The following IWS1 variants were observed in gnomAD, a reference collection of about 807,000 sequenced individuals.
The protein encoded by IWS1 is interacts with SUPT6H, CTD assembly factor 1, also known as protein IWS1 homolog.
In IWS1, 27 loss-of-function variants were observed where a neutral mutation model predicts 86.7. The ratio of observed to expected loss-of-function variants is 0.31; its 90% CI spans 0.23 to 0.43. IWS1 has a LOEUF of 0.43. Ranked by LOEUF, IWS1 falls within the 20% of genes least tolerant of loss-of-function variation. The pLI is 1.00. For synonymous variants in IWS1, 313 were observed against 335.1 expected (o/e 0.93, Z 0.72); for missense variants, 827 against 1,000.8 (o/e 0.83, Z 2.34).
intron 3 of IWS1, among the ~76,000 whole-genome samples, chr2:127,504,401 TC>T (rs1690994308): frequency 6.6e-6 from 1 of 151,254 alleles, no homozygotes; most frequent in Non-Finnish European, 1.5e-5. Flanking sequence ...CATTACCTCT[TC>T]CAGTTTTAAA....
chr2:127,500,484 A>G (rs1573530317), intron 5 of IWS1, among the ~76,000 whole-genome samples: 1 of 152,140 alleles, frequency 6.6e-6, no homozygotes, highest in East Asian at 1.9e-4. Context: ...CTTTATCTTA[A>G]GTACTTTTTT....
At chr2:127,506,747 G>A (rs1691171064) in intron 2 of IWS1, 1 of 168,652 alleles carries the variant, frequency 5.9e-6, no homozygotes, top group Non-Finnish European at 1.5e-5. Flanking sequence ...TAAGTTTTAG[G>A]GAGAACATGA....
chr2:127,505,064 T>G lies in IWS1; in HGVS notation c.839A>C (p.Asp280Ala). The change falls in exon 3 of 14, where the codon GAT becomes GCT. Residue 280 changes from aspartate to alanine, a missense_variant. This residue lies in a region of IWS1 where 548 missense variants were observed against 560.2 expected (regional missense o/e 0.98). Transcript: ENST00000295321. This position sits in a 1 kb window ranked among gnomAD's most constrained non-coding sequence, Gnocchi z 5.0. Reference sequence around the variant, plus strand: ...ATCACTGGCCTGGTTCCTTGGGGGATCCTCACTTTCCGAATCACTGATTCG... The same window carrying G: ...ATCACTGGCCTGGTTCCTTGGGGGAGCCTCACTTTCCGAATCACTGATTCG... ...KPRISDSESE[D>A]PPRNQASDSE... The G allele has an allele frequency of 1.2e-6, 2 of 1,612,044 alleles. No individual in the cohort carries two copies. The highest frequency in any genetic ancestry group is 1.7e-6 in the Non-Finnish European group (2 of 1,179,468).
intron 6 of IWS1, 95 bp downstream of exon 6, chr2:127,498,044 TA>T: frequency 1.0e-6 from 1 of 953,564 alleles, no homozygotes; most frequent in East Asian, 2.4e-5. Context: ...CTCCTAAACT[TA>T]ATCAGGAACC....
chr2:127,523,055 C>A (rs1204072442), intron 2 of IWS1, among the ~76,000 whole-genome samples: 1 of 152,014 alleles, frequency 6.6e-6, no homozygotes, highest in East Asian at 1.9e-4. Flanking sequence ...ACCAAGAAAA[C>A]AAAAATAGCT....
chr2:127,520,015 A>C (rs777548), intron 2 of IWS1, among the ~76,000 whole-genome samples: 146,677 of 152,254 alleles, frequency 0.96, 70,700 homozygotes, highest in East Asian at 1. Flanking sequence ...TGATTTTAGT[A>C]CAGTGTGACC....
At chr2:127,526,765 C>T, upstream of IWS1, 1 of 1,071,262 alleles carries the variant, frequency 9.3e-7, no homozygotes, top group Non-Finnish European at 1.3e-6. Context: ...AAATGAAGAC[C>T]TGCTCAAATG....
At chr2:127,492,152 T>G in intron 9 of IWS1, 64 bp from the exon 10 acceptor site, 1 of 996,132 alleles carries the variant, frequency 1.0e-6, no homozygotes, top group Non-Finnish European at 1.6e-6. Context: ...TGCTAGTCTA[T>G]TCTAGAGACC....
rs901034967 is a variant in IWS1 at position 127,489,055 on chromosome 2, G to A, written c.2216+124C>T. ...ATACAATGCTTTGTAGATACTAAAC[G>A]TTAAAATGAAAGTCACCTCCCACAA... On this transcript the variant is annotated intron_variant, in intron 12 of 13. Transcript: ENST00000295321. This position sits in a 1 kb window ranked among gnomAD's most constrained non-coding sequence, Gnocchi z 4.8. 1.1e-5 allele frequency: 7 copies of A among 661,536 alleles called. No homozygotes were observed. The highest frequency in any genetic ancestry group is 1.9e-5 in the Non-Finnish European group (7 of 376,008). The allele number at this position is 661,536 out of a possible 1,614,324, so 41.0% of individuals were successfully genotyped here.
rs1573583006 is a variant in IWS1 at position 127,526,446 on chromosome 2, G to T, written c.-238C>A. On this transcript the variant is annotated 5_prime_UTR_variant, in exon 1 of 14. Transcript: ENST00000295321. ...GGCGGGCGGGCAGGCATGCGAGCCG[G>T]CGTTCTACTTCCTAGAAGCACCGCT... 1 of 1,534,770 alleles carries T rather than the reference G, an allele frequency of 6.5e-7. No homozygotes were observed. The highest frequency in any genetic ancestry group is 8.8e-7 in the Non-Finnish European group (1 of 1,142,528).
rs1553434819 is a variant in IWS1 at position 127,499,749 on chromosome 2, GT to G, written c.1468-1513del. Among the ~76,000 whole-genome samples, 19 of 147,146 alleles carry G rather than the reference GT, an allele frequency of 1.3e-4. No homozygotes were observed. Among genetic ancestry groups the G allele is most frequent in the East Asian group, 7.9e-4 (4 of 5,072 alleles). On this transcript the variant is annotated intron_variant, in intron 5 of 13. Transcript: ENST00000295321. This position sits in a 1 kb window ranked among gnomAD's most constrained non-coding sequence, Gnocchi z 4.0. ...ATTGCATTGGTTAAAAATAAGTATT[GT>G]TTTTTTTTTGACCCAAGAACTATTT...
rs559829902 is a variant in IWS1, at chr2:127,495,573, G to T, written c.1716+425C>A. Among the ~76,000 whole-genome samples the T allele has an allele frequency of 9.2e-5, 14 of 152,258 alleles. 1 individual carries two copies. The East Asian group carries it at 2.7e-3, about 29-fold the overall frequency. On this transcript the variant is annotated intron_variant, in intron 7 of 13. Transcript: ENST00000295321. Reference sequence around the variant, plus strand: ...AAGTGTCTCCAAAAGATCTGAACTTGTTTTTTAAACATACTACTGGGCCAA... The same window carrying T: ...AAGTGTCTCCAAAAGATCTGAACTTTTTTTTTAAACATACTACTGGGCCAA...
At chr2:127,524,790 C>G (rs953330043) in intron 1 of IWS1, among the ~76,000 whole-genome samples, 7 of 151,984 alleles carry the variant, frequency 4.6e-5, no homozygotes, top group Admixed American at 2.0e-4. Flanking sequence ...TGTTTGCCAC[C>G]GTGCTCGGTC....
At chr2:127,488,343 T>C (rs965688835) in intron 12 of IWS1, among the ~76,000 whole-genome samples, 2 of 152,230 alleles carry the variant, frequency 1.3e-5, no homozygotes, top group Non-Finnish European at 2.9e-5. Flanking sequence ...ATTAGGCATG[T>C]CACATTTAAT....
At chr2:127,495,667 C>T (rs907019447) in intron 7 of IWS1, among the ~76,000 whole-genome samples, 6 of 152,088 alleles carry the variant, frequency 3.9e-5, no homozygotes, top group Non-Finnish European at 8.8e-5. Flanking sequence ...AGCAAGAGAA[C>T]GACACATGAA....
upstream of IWS1, chr2:127,526,703 T>G: frequency 7.7e-7 from 1 of 1,304,750 alleles, no homozygotes; most frequent in Non-Finnish European, 1.0e-6. Flanking sequence ...TATCATTTCC[T>G]AGATTCTGTG....
Position 127,499,268 on chromosome 2 carries a change from T to G in IWS1, c.1468-1031A>C, listed in dbSNP as rs1474423643. Among the ~76,000 whole-genome samples, 1 of 150,262 alleles carries G rather than the reference T, an allele frequency of 6.7e-6. No homozygotes were observed. Among genetic ancestry groups the G allele is most frequent in the African/African-American group, 2.5e-5 (1 of 39,658 alleles). ...ACCATGCCCAGCTAATTTTTCGTAT[T>G]TTTAGTAGAGATGGGGTTTCACCAC... On this transcript the variant is annotated intron_variant, in intron 5 of 13. Coordinates refer to ENST00000295321, the MANE Select transcript of IWS1 (RefSeq NM_017969.3). The surrounding 1 kb of genome is among the most constrained non-coding windows in gnomAD (Gnocchi z 4.0).
At chr2:127,483,338 C>A (rs374568933) in intron 13 of IWS1, among the ~76,000 whole-genome samples, 1 of 151,982 alleles carries the variant, frequency 6.6e-6, no homozygotes, top group African/African-American at 2.4e-5. Context: ...ACATTATATT[C>A]ATGGCCGGGT....
chr2:127,503,378 G>A lies in IWS1; in HGVS notation c.1409+9C>T, dbSNP rs368481164. The A allele has an allele frequency of 9.4e-6, 15 of 1,603,150 alleles. No individual in the cohort carries two copies. In the African/African-American group the frequency reaches 1.5e-4, roughly 16 times the overall value. On this transcript the variant is annotated intron_variant, in intron 4 of 13. Transcript: ENST00000295321. ...AACCCCTGAAAACTCATGTTATACT[G>A]TCACTTACTCTTCTTCATTGCCTGA...
Sources: allele counts gnomAD v4.1 joint callset (sites outside exome capture counted in the v4.1 genomes callset), GRCh38; gene constraint gnomAD v4.1.1; regional missense constraint gnomAD v4.1.1; non-coding constraint Gnocchi (gnomAD v3.1); transcripts MANE v1.5; gene names NCBI Gene and HGNC (gene_info 2026-07-23, HGNC 2026-07-21).